Variants in MAP3K4 observed in about 807,000 individuals in gnomAD.
MAP3K4 encodes the protein mitogen-activated protein kinase kinase kinase 4, also known as MAP three kinase 1.
In MAP3K4, 67 loss-of-function variants were observed where a neutral mutation model predicts 185.6. The ratio of observed to expected loss-of-function variants is 0.36; its 90% CI spans 0.30 to 0.44. The LOEUF (loss-of-function observed/expected upper bound fraction) is 0.44, where lower values mean the gene tolerates loss of function less well. Among genes scored for constraint, MAP3K4 ranks in the 20% least tolerant of loss-of-function variants. MAP3K4 has a pLI of 1.00. For missense variants in MAP3K4, 1,551 were observed against 1,995.1 expected (o/e 0.78, Z 4.24); for synonymous variants, 702 against 710.4 (o/e 0.99, Z 0.19).
intron 1 of MAP3K4, among the ~76,000 whole-genome samples, chr6:161,032,778 A>T (rs1240462196): frequency 6.6e-6 from 1 of 152,194 alleles, no homozygotes; most frequent in African/African-American, 2.4e-5. Context: ...AGACTTAAAT[A>T]ATGTAGTTTA....
rs112050174 is a variant in MAP3K4, at chr6:161,022,422, T to TTAGATC, written c.153-11834_153-11833insATCTAG. 3.2e-3 allele frequency among the ~76,000 whole-genome samples: 485 copies of TTAGATC among 152,234 alleles called. 4 individuals are homozygous for TTAGATC. Among genetic ancestry groups the TTAGATC allele is most frequent in the African/African-American group, 0.011 (465 of 41,530 alleles). ...TACCTTTATTTATAGCTGAGGAAAT[T>TTAGATC]TAGGATGGTTAAAAAGCTTCACCAA... On this transcript the variant is annotated intron_variant, in intron 1 of 26. Transcript: ENST00000392142. The surrounding 1 kb of genome is among the most constrained non-coding windows in gnomAD (Gnocchi z 4.2).
chr6:161,039,428 AC>A (rs1483911419), intron 2 of MAP3K4, among the ~76,000 whole-genome samples: 1 of 152,158 alleles, frequency 6.6e-6, no homozygotes, highest in African/African-American at 2.4e-5. Context: ...AACTGATTAT[AC>A]AGGTATGATT....
In MAP3K4 at chr6:161,043,624, C is replaced by G. The variant is rs138385043; in HGVS notation, c.344-4992C>G. ...ATGACAATGTCTGTGAAGCCCTTAC[C>G]TGGAAAATGGAAGCTGGATAAAGCA... On this transcript the variant is annotated intron_variant, in intron 2 of 26. Transcript: ENST00000392142. This position sits in a 1 kb window ranked among gnomAD's most constrained non-coding sequence, Gnocchi z 4.3. 2.6e-5 allele frequency among the ~76,000 whole-genome samples: 4 copies of G among 152,286 alleles called. No individual in the cohort carries two copies. In the East Asian group the frequency reaches 7.7e-4, roughly 29 times the overall value.
chr6:161,009,653 T>C (rs1781757090), intron 1 of MAP3K4, among the ~76,000 whole-genome samples: 1 of 152,222 alleles, frequency 6.6e-6, no homozygotes, highest in African/African-American at 2.4e-5. Flanking sequence ...ATGAACATTT[T>C]GGTTGCTTTT....
At chr6:161,041,908 GTTTCTTTTTTTTTT>G (rs1350776791) in intron 2 of MAP3K4, among the ~76,000 whole-genome samples, 101 of 94,404 alleles carry the variant, frequency 1.1e-3, no homozygotes, top group African/African-American at 4.0e-3. Flanking sequence ...TTGAGTTATT[GTTTCTTTTTTTTTT>G]TTTCTTTTTT....
chr6:161,057,043 A>C (rs1377534967), intron 3 of MAP3K4, among the ~76,000 whole-genome samples: 4 of 152,242 alleles, frequency 2.6e-5, no homozygotes, highest in African/African-American at 9.6e-5. Context: ...TACAAAATGT[A>C]TAATTGTCTG....
Position 161,091,384 on chromosome 6 carries a change from T to C in MAP3K4, c.2979T>C (p.Asp993=). 6.2e-7 allele frequency: 1 copy of C among 1,613,228 alleles called. No homozygotes were observed. Among genetic ancestry groups the C allele is most frequent in the Non-Finnish European group, 8.5e-7 (1 of 1,179,660 alleles). ...IAKALQQLKN[D]ALELCNRISN... The stretch of plus-strand genomic sequence containing the variant: ...TCATGGTTTGGACTCTTCAGAATGA[T>C]GCATTGGAGCTATGCAACAGGATAA... Residue 993 remains aspartate (D), a synonymous_variant, in exon 12 of 27, where the codon GAT becomes GAC. Transcript: ENST00000392142. The surrounding 1 kb of genome is among the most constrained non-coding windows in gnomAD (Gnocchi z 5.5).
At position 160,996,134 on chromosome 6, in the gene MAP3K4, C is replaced by T. The variant is rs541198084; in HGVS notation, c.152+4051C>T. On this transcript the variant is annotated intron_variant, in intron 1 of 26. Transcript: ENST00000392142. The surrounding 1 kb of genome is among the most constrained non-coding windows in gnomAD (Gnocchi z 4.5). ...GTCTTGACCTTGTATGTCAACTGTT[C>T]TCCCTGGCAAAGTCAGCCTCCTGTG... Among the ~76,000 whole-genome samples the T allele has an allele frequency of 3.9e-5, 6 of 152,236 alleles. No homozygotes were observed. The highest frequency in any genetic ancestry group is 1.9e-4 in the East Asian group (1 of 5,182).
intron 1 of MAP3K4, among the ~76,000 whole-genome samples, chr6:161,032,863 G>A (rs566674598): frequency 5.3e-5 from 8 of 151,270 alleles, no homozygotes; most frequent in South Asian, 2.1e-4. Flanking sequence ...CATTTAACTC[G>A]CATGTCTTGT....
At position 161,097,721 on chromosome 6, in the gene MAP3K4, C is replaced by T. The variant is rs755683793; in HGVS notation, c.3524+545C>T. The stretch of plus-strand genomic sequence containing the variant: ...GAGCACCTTCTCTCGCCTGTATAAT[C>T]AGTTTTTAAAAGTTTAATTTTATTT... On this transcript the variant is annotated intron_variant, in intron 16 of 26. Transcript: ENST00000392142. This position sits in a 1 kb window ranked among gnomAD's most constrained non-coding sequence, Gnocchi z 4.9. Among the ~76,000 whole-genome samples, 40 of 152,182 alleles carry T rather than the reference C, an allele frequency of 2.6e-4. No homozygotes were observed. Among genetic ancestry groups the T allele is most frequent in the Admixed American group, 7.2e-4 (11 of 15,288 alleles).
chr6:161,111,744 G>C, intron 23 of MAP3K4, 92 bp from the exon 24 acceptor site: 1 of 1,220,482 alleles, frequency 8.2e-7, no homozygotes, highest in Non-Finnish European at 1.2e-6. Context: ...TGTTTAGCTT[G>C]TGAATGAAGT....
At position 161,116,135 on chromosome 6, in the gene MAP3K4, C is replaced by T. The variant is rs1236314770; in HGVS notation, c.4807-715C>T. ...TGAGGGGAGGAGTCTAGAGTGGCTC[C>T]CAGGTTTCTGGTTTGTGTCATCAGG... is the stretch of plus-strand genomic sequence containing the variant. On this transcript the variant is annotated intron_variant, in intron 26 of 26. Coordinates refer to ENST00000392142, the MANE Select transcript of MAP3K4 (RefSeq NM_005922.4). The surrounding 1 kb of genome is among the most constrained non-coding windows in gnomAD (Gnocchi z 6.2). Among the ~76,000 whole-genome samples the T allele has an allele frequency of 6.6e-6, 1 of 151,964 alleles. No homozygotes were observed. The highest frequency in any genetic ancestry group is 1.5e-5 in the Non-Finnish European group (1 of 67,990).
chr6:161,111,284 T>C (rs1778338457), intron 23 of MAP3K4, among the ~76,000 whole-genome samples: 1 of 152,236 alleles, frequency 6.6e-6, no homozygotes, highest in Non-Finnish European at 1.5e-5. Flanking sequence ...GGCCAAGCTG[T>C]CCTGAGAGAT....
Position 161,108,117 on chromosome 6 carries a change from C to A in MAP3K4, c.4119+148C>A, listed in dbSNP as rs1479608239. The A allele has an allele frequency of 6.2e-6, 4 of 646,928 alleles. No homozygotes were observed. The highest frequency in any genetic ancestry group is 1.1e-5 in the Non-Finnish European group (4 of 373,830). The allele number at this position is 646,928 out of a possible 1,614,324, so 40.1% of individuals were successfully genotyped here. On this transcript the variant is annotated intron_variant, in intron 21 of 26. Coordinates refer to ENST00000392142, the MANE Select transcript of MAP3K4 (RefSeq NM_005922.4). This position sits in a 1 kb window ranked among gnomAD's most constrained non-coding sequence, Gnocchi z 5.7. ...ACAGTCAGGACCAACCAGGCAGATG[C>A]ACTGAGATAACACACACAGACAGTG... is the stretch of plus-strand genomic sequence containing the variant.
chr6:160,993,894 A>G lies in MAP3K4; in HGVS notation c.152+1811A>G, dbSNP rs186127384. Among the ~76,000 whole-genome samples, 37 of 152,344 alleles carry G rather than the reference A, an allele frequency of 2.4e-4. No individual in the cohort carries two copies. The East Asian group carries it at 6.6e-3, about 27-fold the overall frequency. On this transcript the variant is annotated intron_variant, in intron 1 of 26. Transcript: ENST00000392142. ...TAGCAACATTGCAGTTAATTTTACA[A>G]TAGAAAAATCTGTAAAACAGATTAC...
rs114547294 is a variant in MAP3K4, at chr6:161,002,426, T to A, written c.152+10343T>A. ...AATAAAACTAGATTGATCTAGCTAC[T>A]GCCTGAGAAAAGTGAGTGAAATCTT... On this transcript the variant is annotated intron_variant, in intron 1 of 26. Coordinates refer to ENST00000392142, the MANE Select transcript of MAP3K4 (RefSeq NM_005922.4). Among the ~76,000 whole-genome samples, 136 of 152,290 alleles carry A rather than the reference T, an allele frequency of 8.9e-4. 1 individual carries two copies. Among genetic ancestry groups the A allele is most frequent in the African/African-American group, 3.2e-3 (131 of 41,554 alleles).
chr6:161,027,839 C>T (rs555666291), intron 1 of MAP3K4, among the ~76,000 whole-genome samples: 1 of 152,322 alleles, frequency 6.6e-6, no homozygotes, highest in South Asian at 2.1e-4. Context: ...CTGCTACTTA[C>T]GGTGTTGGCT....
Position 161,061,726 on chromosome 6 carries a change from G to T in MAP3K4, c.1708-8882G>T, listed in dbSNP as rs1193264958. Among the ~76,000 whole-genome samples, 1 of 152,200 alleles carries T rather than the reference G, an allele frequency of 6.6e-6. No homozygotes were observed. The highest frequency in any genetic ancestry group is 6.5e-5 in the Admixed American group (1 of 15,284). On this transcript the variant is annotated intron_variant, in intron 3 of 26. Transcript: ENST00000392142. This position sits in a 1 kb window ranked among gnomAD's most constrained non-coding sequence, Gnocchi z 4.2. Reference sequence around the variant, plus strand: ...GGTCATATGGTATGTGGTCTTTTGAGACTGGCTTCTTTCATTTGCATAATG... The same window carrying T: ...GGTCATATGGTATGTGGTCTTTTGATACTGGCTTCTTTCATTTGCATAATG...
At position 161,097,208 on chromosome 6, in the gene MAP3K4, C is replaced by T; in HGVS notation, c.3524+32C>T. 6.3e-7 allele frequency: 1 copy of T among 1,580,680 alleles called. No homozygotes were observed. Among genetic ancestry groups the T allele is most frequent in the Non-Finnish European group, 8.7e-7 (1 of 1,149,962 alleles). ...GGTGCTTATCTAGTCATTTGCTTTACAGAGTGCCCTCCGATATGCATGCTC... is the reference window on the plus strand; with the variant it reads ...GGTGCTTATCTAGTCATTTGCTTTATAGAGTGCCCTCCGATATGCATGCTC... On this transcript the variant is annotated intron_variant, in intron 16 of 26. Transcript: ENST00000392142. This position sits in a 1 kb window ranked among gnomAD's most constrained non-coding sequence, Gnocchi z 4.9.
Sources: gnomAD v4.1 joint callset for allele counts (sites outside exome capture counted in the v4.1 genomes callset) on GRCh38, gnomAD v4.1.1 for gene constraint, Gnocchi (gnomAD v3.1) non-coding constraint, MANE v1.5 for transcripts, NCBI Gene and HGNC (gene_info 2026-07-23, HGNC 2026-07-21) for gene names.